The following GALNTL6 variants were observed in gnomAD, a reference collection of about 807,000 sequenced individuals.
GALNTL6 encodes the protein polypeptide N-acetylgalactosaminyltransferase-like 6.
In GALNTL6, 46 loss-of-function variants were observed where a neutral mutation model predicts 73.7. That is an observed-to-expected ratio of 0.62 (90% CI 0.49 to 0.80). The LOEUF is 0.80. Ranked by LOEUF, GALNTL6 falls within the 30% of genes least tolerant of loss-of-function variation. The pLI is 0.00. For missense variants in GALNTL6, 604 were observed against 755.0 expected (o/e 0.80, Z 2.34); for synonymous variants, 259 against 263.7 (o/e 0.98, Z 0.17).
chr4:172,129,377 T>C (rs540802908), intron 2 of GALNTL6, among the ~76,000 whole-genome samples: 274 of 152,316 alleles, frequency 1.8e-3, no homozygotes, highest in Middle Eastern at 3.4e-3. Flanking sequence ...CATGATGGCA[T>C]TGATTTTAAA....
chr4:171,939,686 A>G (rs1052637161), intron 2 of GALNTL6, among the ~76,000 whole-genome samples: 3 of 152,034 alleles, frequency 2.0e-5, no homozygotes, highest in Non-Finnish European at 2.9e-5. Context: ...TAGGGTTATT[A>G]TCCTTCATTG....
intron 5 of GALNTL6, among the ~76,000 whole-genome samples, chr4:172,358,394 G>T (rs1047932317): frequency 6.6e-6 from 1 of 152,258 alleles, no homozygotes; most frequent in African/African-American, 2.4e-5. Flanking sequence ...ATGCTTGAAG[G>T]GCTAAACCAA....
At chr4:173,021,373 A>G (rs1482302329) in intron 11 of GALNTL6, 103 bp from the exon 12 acceptor site, 3 of 1,182,896 alleles carry the variant, frequency 2.5e-6, no homozygotes, top group East Asian at 4.7e-5. Flanking sequence ...GCAGATCACA[A>G]AGCAGGAGTT....
intron 5 of GALNTL6, among the ~76,000 whole-genome samples, chr4:172,602,249 A>T (rs1209128275): frequency 6.6e-6 from 1 of 152,178 alleles, no homozygotes; most frequent in Admixed American, 6.6e-5. Flanking sequence ...ACCATACAGT[A>T]ATCTACATCT....
Position 172,451,625 on chromosome 4 carries a change from A to G in GALNTL6, c.553+102936A>G, listed in dbSNP as rs113950688. On this transcript the variant is annotated intron_variant, in intron 5 of 12. Coordinates refer to ENST00000506823, the MANE Select transcript of GALNTL6 (RefSeq NM_001034845.3). ...TGATGCCTATAGTATTTGTTTGAAG[A>G]AGTGGTTATATATATAGATATAGAT... Among the ~76,000 whole-genome samples the G allele has an allele frequency of 7.4e-3, 1,123 of 152,288 alleles. 18 individuals carry two copies. The highest frequency in any genetic ancestry group is 0.025 in the African/African-American group (1,055 of 41,556).
At chr4:171,894,949 T>C (rs769958186) in intron 2 of GALNTL6, among the ~76,000 whole-genome samples, 2 of 152,138 alleles carry the variant, frequency 1.3e-5, no homozygotes, top group Non-Finnish European at 2.9e-5. Context: ...CATGACTAAA[T>C]GACATCATAA....
chr4:172,639,373 CATT>C (rs1739855131), intron 5 of GALNTL6, among the ~76,000 whole-genome samples: 1 of 152,076 alleles, frequency 6.6e-6, no homozygotes, highest in South Asian at 2.1e-4. Flanking sequence ...AATTCTCCAT[CATT>C]ATAATTACCC....
intron 4 of GALNTL6, among the ~76,000 whole-genome samples, chr4:172,336,562 A>G (rs1741334737): frequency 6.6e-6 from 1 of 151,794 alleles, no homozygotes; most frequent in East Asian, 1.9e-4. Flanking sequence ...GACATGAGCC[A>G]CCATGCCAGC....
chr4:172,615,773 C>G (rs559453199), intron 5 of GALNTL6, among the ~76,000 whole-genome samples: 26 of 152,080 alleles, frequency 1.7e-4, no homozygotes, highest in Admixed American at 3.3e-4. Context: ...GCTATTTAGC[C>G]CCTTACATTC....
intron 3 of GALNTL6, among the ~76,000 whole-genome samples, chr4:172,303,130 AC>A (rs1157891210): frequency 7.9e-5 from 12 of 151,948 alleles, no homozygotes; most frequent in Admixed American, 5.9e-4. Flanking sequence ...CTCCCGAGTA[AC>A]TGGAATTACA....
chr4:172,168,618 C>A (rs1038132472), intron 2 of GALNTL6, among the ~76,000 whole-genome samples: 1 of 150,492 alleles, frequency 6.6e-6, no homozygotes, highest in Non-Finnish European at 1.5e-5. Context: ...GTAACAATGG[C>A]GATGCTGGTG....
rs1173522508 is a variant in GALNTL6 at position 172,205,083 on chromosome 4, C to T, written c.139-24573C>T. 4.6e-5 allele frequency among the ~76,000 whole-genome samples: 7 copies of T among 152,076 alleles called. 1 individual carries two copies. The South Asian group carries it at 6.2e-4, about 14-fold the overall frequency. On this transcript the variant is annotated intron_variant, in intron 2 of 12. Transcript: ENST00000506823. ...GTGCATATTCAGCTAATTAAGAACC[C>T]CTAGATACACTACATTGGTGCTTTA...
At chr4:171,843,990 C>G (rs1198472630) in intron 2 of GALNTL6, among the ~76,000 whole-genome samples, 1 of 152,094 alleles carries the variant, frequency 6.6e-6, no homozygotes, top group Non-Finnish European at 1.5e-5. Context: ...TTACTAACTT[C>G]AAAATATCTG....
At chr4:171,914,317 C>A (rs2110967437) in intron 2 of GALNTL6, among the ~76,000 whole-genome samples, 1 of 150,378 alleles carries the variant, frequency 6.6e-6, no homozygotes, top group South Asian at 2.1e-4. Flanking sequence ...GTTATCCCGA[C>A]AAGAAAGTGG....
chr4:172,945,851 T>C (rs1264679868), intron 9 of GALNTL6, among the ~76,000 whole-genome samples: 1 of 152,122 alleles, frequency 6.6e-6, no homozygotes, highest in Non-Finnish European at 1.5e-5. Context: ...TGTAGTGAGG[T>C]TGGGGCTGCC....
In GALNTL6 at chr4:172,476,643, T is replaced by C. The variant is rs534542698; in HGVS notation, c.553+127954T>C. Among the ~76,000 whole-genome samples, 409 of 152,228 alleles carry C rather than the reference T, an allele frequency of 2.7e-3. 4 individuals carry two copies. In the Middle Eastern group the frequency reaches 0.051, roughly 19 times the overall value. Reference sequence around the variant, plus strand: ...CACTGTGTGTCCTGTGTATGTATCTTTCATGGAGCGCTGAATAAACTACCG... The same window carrying C: ...CACTGTGTGTCCTGTGTATGTATCTCTCATGGAGCGCTGAATAAACTACCG... On this transcript the variant is annotated intron_variant, in intron 5 of 12. Coordinates refer to ENST00000506823, the MANE Select transcript of GALNTL6 (RefSeq NM_001034845.3).
At chr4:172,481,958 C>T (rs935090827) in intron 5 of GALNTL6, among the ~76,000 whole-genome samples, 17 of 152,292 alleles carry the variant, frequency 1.1e-4, no homozygotes, top group South Asian at 2.1e-4. Context: ...CGGGGAGGCT[C>T]GGGCTGCCAG....
chr4:172,504,175 A>AAAAAAAAAAAAAAAAAAAC (rs1363544210), intron 5 of GALNTL6, among the ~76,000 whole-genome samples: 4 of 39,312 alleles, frequency 1.0e-4, no homozygotes, highest in African/African-American at 3.1e-4. Context: ...AAAAAAAAAA[A>AAAAAAAAAAAAAAAAAAAC]AAAACTCACA....
intron 5 of GALNTL6, among the ~76,000 whole-genome samples, chr4:172,460,198 G>A (rs1002348404): frequency 1.3e-5 from 2 of 152,010 alleles, no homozygotes; most frequent in Admixed American, 1.3e-4. Flanking sequence ...CCCCTTCTTT[G>A]TATCTTATGC....
Sources: gnomAD v4.1 joint callset for allele counts (sites outside exome capture counted in the v4.1 genomes callset) on GRCh38, gnomAD v4.1.1 for gene constraint, MANE v1.5 for transcripts, NCBI Gene and HGNC (gene_info 2026-07-23, HGNC 2026-07-21) for gene names.